The following DNAJA2 variants were observed in gnomAD, a reference collection of about 807,000 sequenced individuals.
DNAJA2 encodes the protein DnaJ heat shock protein family (Hsp40) member A2, also known as dnaJ homolog subfamily A member 2.
Under a neutral mutation model 49.3 loss-of-function variants are expected in DNAJA2, and 6 were observed. That is an observed-to-expected ratio of 0.12 (90% CI 0.07 to 0.24). The LOEUF (loss-of-function observed/expected upper bound fraction) is 0.24, where lower values mean the gene tolerates loss of function less well. Among genes scored for constraint, DNAJA2 ranks in the 10% least tolerant of loss-of-function variants. The pLI is 1.00. For synonymous variants in DNAJA2, 160 were observed against 172.7 expected, an observed-to-expected ratio of 0.93 and a Z score of 0.58; for missense variants, 347 against 516.8, an observed-to-expected ratio of 0.67 and a Z score of 3.19.
At chr16:46,964,872 CTTTAAATATG>C in intron 5 of DNAJA2, 65 bp from the exon 6 acceptor site, 2 of 1,287,842 alleles carry the variant, frequency 1.6e-6, no homozygotes, top group East Asian at 2.4e-5. Flanking sequence ...TACCCTTATT[CTTTAAATATG>C]CTTTCTGGAC....
intron 3 of DNAJA2, 151 bp downstream of exon 3, chr16:46,971,198 A>C: frequency 1.7e-6 from 1 of 604,004 alleles, no homozygotes; most frequent in Non-Finnish European, 2.8e-6. Flanking sequence ...TCAGATAATC[A>C]AATTCAATTT....
chr16:46,959,336 A>C lies in DNAJA2; in HGVS notation c.858T>G (p.Phe286Leu), dbSNP rs1366661580. Residue 286 changes from phenylalanine (F) to leucine (L), a missense_variant, in exon 7 of 9, where the codon TTT becomes TTG. By Grantham distance (22) the Phe-to-Leu change is conservative. Coordinates refer to ENST00000317089, the MANE Select transcript of DNAJA2 (RefSeq NM_005880.4). Reference protein sequence around the residue: ...VEALCGFQFTFKHLDGRQIVV... With the variant: ...VEALCGFQFTLKHLDGRQIVV... Reference sequence around the variant, plus strand: ...CAATCTGACGTCCATCAAGGTGCTTAAATGTGAACTGAAATCCACATAGAG... The same window carrying C: ...CAATCTGACGTCCATCAAGGTGCTTCAATGTGAACTGAAATCCACATAGAG... 2 of 1,614,096 alleles carry C rather than the reference A, an allele frequency of 1.2e-6. No homozygotes were observed. The highest frequency in any genetic ancestry group is 2.2e-5 in the East Asian group (1 of 44,874).
At chr16:46,965,832 C>CAAAAAAA (rs765934380) in intron 5 of DNAJA2, among the ~76,000 whole-genome samples, 4 of 55,470 alleles carry the variant, frequency 7.2e-5, no homozygotes, top group Admixed American at 2.0e-4. Context: ...CTCCGTCTCA[C>CAAAAAAA]AAAAAAAAAA....
intron 3 of DNAJA2, among the ~76,000 whole-genome samples, chr16:46,969,823 A>T (rs1009021287): frequency 6.6e-6 from 1 of 152,352 alleles, no homozygotes; most frequent in South Asian, 2.1e-4. Context: ...AACTTTCACT[A>T]TATAGCATAA....
intron 5 of DNAJA2, among the ~76,000 whole-genome samples, chr16:46,965,244 C>A (rs778594539): frequency 6.6e-6 from 1 of 152,114 alleles, no homozygotes; most frequent in Non-Finnish European, 1.5e-5. Flanking sequence ...TTCTGAATAA[C>A]AAAAACTTAC....
intron 8 of DNAJA2, 188 bp downstream of exon 8, chr16:46,958,815 C>G: frequency 1.8e-6 from 1 of 564,060 alleles, no homozygotes; most frequent in Non-Finnish European, 2.9e-6. Context: ...CATGGCAACA[C>G]ACACCTGTAG....
chr16:46,958,259 GA>G (rs1961844275), intron 8 of DNAJA2, among the ~76,000 whole-genome samples: 1 of 150,158 alleles, frequency 6.7e-6, no homozygotes, highest in Non-Finnish European at 1.5e-5. Context: ...CTCTTAAAAA[GA>G]AAGAAACTTG....
chr16:46,955,504 T>C lies in DNAJA2; in HGVS notation c.*1525A>G, dbSNP rs1961796231. On this transcript the variant is annotated 3_prime_UTR_variant, in exon 9 of 9. Coordinates refer to ENST00000317089, the MANE Select transcript of DNAJA2 (RefSeq NM_005880.4). ...TCTTACCCAGGCTTGTTGTAAAATA[T>C]TTTTTGTACAATGGAGGTAGAGTGG... The C allele has an allele frequency of 6.6e-6, 1 of 152,202 alleles. No homozygotes were observed. Among genetic ancestry groups the C allele is most frequent in the African/African-American group, 2.4e-5 (1 of 41,442 alleles). 9.4% of individuals were successfully genotyped at this position (152,202 alleles called of 1,614,324 possible).
At chr16:46,957,298 CTGTT>C (rs772242403) in intron 8 of DNAJA2, 78 bp from the exon 9 acceptor site, 28 of 1,348,602 alleles carry the variant, frequency 2.1e-5, no homozygotes, top group South Asian at 4.2e-5. Flanking sequence ...AATCCAGTGT[CTGTT>C]TAAGAGTTTA....
chr16:46,967,982 C>CGT (rs1961996775), intron 4 of DNAJA2, 102 bp downstream of exon 4: 2 of 1,155,528 alleles, frequency 1.7e-6, no homozygotes, highest in Non-Finnish European at 2.4e-6. Context: ...CGCACCCAGC[C>CGT]GTAAGTTTTA....
At position 46,957,434 on chromosome 16, in the gene DNAJA2, T is replaced by C. The variant is rs543882932; in HGVS notation, c.1048-214A>G. 2.6e-5 allele frequency among the ~76,000 whole-genome samples: 4 copies of C among 152,090 alleles called. No individual in the cohort carries two copies. The South Asian group carries it at 8.3e-4, about 32-fold the overall frequency. ...CTGGACAACATGGTGAAGCCTTGTC[T>C]CTACTAAAAATACAAAAAATTAGCC... On this transcript the variant is annotated intron_variant, in intron 8 of 8. Coordinates refer to ENST00000317089, the MANE Select transcript of DNAJA2 (RefSeq NM_005880.4).
intron 1 of DNAJA2, among the ~76,000 whole-genome samples, chr16:46,973,118 A>C (rs1050026573): frequency 6.6e-6 from 1 of 151,960 alleles, no homozygotes; most frequent in Non-Finnish European, 1.5e-5. Context: ...TGCGCTGAGC[A>C]CCTCGGTCCA....
In DNAJA2 at chr16:46,973,667, GAGAC is replaced by G. The variant is rs1259161142; in HGVS notation, c.-99_-96del. On this transcript the variant is annotated 5_prime_UTR_variant, in exon 1 of 9. Coordinates refer to ENST00000317089, the MANE Select transcript of DNAJA2 (RefSeq NM_005880.4). ...GCGTCGGCGGCGGCACAGGCCGAGG[GAGAC>G]AGCGAGGGGGAAGCGGGGGCGGGGC... 1 of 1,330,358 alleles carries G rather than the reference GAGAC, an allele frequency of 7.5e-7. No homozygotes were observed. The highest frequency in any genetic ancestry group is 1.5e-5 in the African/African-American group (1 of 66,450). The allele number at this position is 1,330,358 out of a possible 1,614,324, so 82.4% of individuals were successfully genotyped here. A position where few individuals can be genotyped will look rare whatever the true frequency, so the allele number is the denominator to read the frequency against.
chr16:46,964,596 A>T lies in DNAJA2; in HGVS notation c.774+15T>A, dbSNP rs370810341. On this transcript the variant is annotated intron_variant, in intron 6 of 8. Transcript: ENST00000317089. ...AATAAAACAAAATACAAAAAACTAAAAAAAGGAAAATCACCTCATGTTCTT... is the reference window on the plus strand; with the variant it reads ...AATAAAACAAAATACAAAAAACTAATAAAAGGAAAATCACCTCATGTTCTT... 211 of 1,584,692 alleles carry T rather than the reference A, an allele frequency of 1.3e-4. 1 individual carries two copies. The highest frequency in any genetic ancestry group is 1.7e-4 in the Non-Finnish European group (198 of 1,170,540).
At chr16:46,971,752 TAAAACTA>T in intron 2 of DNAJA2, 137 bp downstream of exon 2, 1 of 927,408 alleles carries the variant, frequency 1.1e-6, no homozygotes, top group Non-Finnish European at 1.7e-6. Context: ...ACTCTTATTC[TAAAACTA>T]AAATACTCTT....
intron 3 of DNAJA2, among the ~76,000 whole-genome samples, chr16:46,970,604 G>A (rs768870647): frequency 2.0e-5 from 3 of 151,322 alleles, no homozygotes; most frequent in East Asian, 1.9e-4. Flanking sequence ...GGCATGGTGC[G>A]GGTGCCTGTA....
At position 46,956,163 on chromosome 16, in the gene DNAJA2, GC is replaced by G. The variant is rs1203875665; in HGVS notation, c.*865del. 6.6e-6 allele frequency: 1 copy of G among 152,112 alleles called. No homozygotes were observed. Among genetic ancestry groups the G allele is most frequent in the Admixed American group, 6.5e-5 (1 of 15,268 alleles). 9.4% of individuals were successfully genotyped at this position (152,112 alleles called of 1,614,324 possible). A position where few individuals can be genotyped will look rare whatever the true frequency, so the allele number is the denominator to read the frequency against. ...GATACAGAAGTCAGGCTAGCCCAGT[GC>G]TTGGGAGTTACAGCACTCAAGACAC... On this transcript the variant is annotated 3_prime_UTR_variant, in exon 9 of 9. Coordinates refer to ENST00000317089, the MANE Select transcript of DNAJA2 (RefSeq NM_005880.4).
In DNAJA2 at chr16:46,960,042, G is replaced by C. The variant is rs145164411; in HGVS notation, c.775-623C>G. On this transcript the variant is annotated intron_variant, in intron 6 of 8. Coordinates refer to ENST00000317089, the MANE Select transcript of DNAJA2 (RefSeq NM_005880.4). Reference sequence around the variant, plus strand: ...AATGTTTCTGAGCCTTCAATGTGTAGGAAAAATACATCCAACTTCACACGC... The same window carrying C: ...AATGTTTCTGAGCCTTCAATGTGTACGAAAAATACATCCAACTTCACACGC... Among the ~76,000 whole-genome samples the C allele has an allele frequency of 1.1e-4, 16 of 152,324 alleles. No homozygotes were observed. The East Asian group carries it at 2.9e-3, about 27-fold the overall frequency.
intron 8 of DNAJA2, 120 bp downstream of exon 8, chr16:46,958,883 G>T: frequency 9.2e-7 from 1 of 1,089,128 alleles, no homozygotes; most frequent in Non-Finnish European, 1.3e-6. Context: ...GGTCGAGGCT[G>T]CAGTGAGCCA....
Sources: gnomAD v4.1 joint callset for allele counts (sites outside exome capture counted in the v4.1 genomes callset) on GRCh38, gnomAD v4.1.1 for gene constraint, MANE v1.5 for transcripts, NCBI Gene and HGNC (gene_info 2026-07-23, HGNC 2026-07-21) for gene names.